The following TGFA variants were observed in gnomAD, a reference collection of about 807,000 sequenced individuals.
The protein encoded by TGFA is protransforming growth factor alpha.
TGFA carries 12 observed loss-of-function variants against 21.7 expected under a neutral mutation model. That is an observed-to-expected ratio of 0.55 (90% CI 0.35 to 0.90). The LOEUF (loss-of-function observed/expected upper bound fraction) is 0.90. Among genes scored for constraint, TGFA ranks in the 40% least tolerant of loss-of-function variants. The pLI is 0.01. For synonymous variants in TGFA, 79 were observed against 88.1 expected (o/e 0.90, Z 0.58); for missense variants, 178 against 210.8 (o/e 0.84, Z 0.96).
chr2:70,528,763 G>C (rs1417137981), intron 1 of TGFA, among the ~76,000 whole-genome samples: 1 of 152,132 alleles, frequency 6.6e-6, no homozygotes, highest in African/African-American at 2.4e-5. Flanking sequence ...TGACCAAGAG[G>C]GCAGAACCTA....
At chr2:70,517,451 G>A (rs190827830) in intron 1 of TGFA, among the ~76,000 whole-genome samples, 1 of 152,284 alleles carries the variant, frequency 6.6e-6, no homozygotes, top group Admixed American at 6.5e-5. Context: ...AGGTGGATGT[G>A]TACCACTTTT....
At chr2:70,499,976 A>G (rs1553498889) in intron 2 of TGFA, among the ~76,000 whole-genome samples, 1 of 152,268 alleles carries the variant, frequency 6.6e-6, no homozygotes, top group Non-Finnish European at 1.5e-5. Context: ...AATTGATTTG[A>G]ATAATGTATT....
At chr2:70,529,400 G>A (rs1165732533) in intron 1 of TGFA, among the ~76,000 whole-genome samples, 1 of 152,204 alleles carries the variant, frequency 6.6e-6, no homozygotes, top group African/African-American at 2.4e-5. Flanking sequence ...CAACCTTTCT[G>A]TGATGACAGT....
intron 2 of TGFA, among the ~76,000 whole-genome samples, chr2:70,493,464 T>C: frequency 6.6e-6 from 1 of 152,156 alleles, no homozygotes; most frequent in East Asian, 1.9e-4. Flanking sequence ...AGGACCACCA[T>C]GGGAGACTCT....
intron 2 of TGFA, chr2:70,467,451 G>A (rs1670603292): frequency 6.6e-6 from 1 of 152,174 alleles, no homozygotes; most frequent in Non-Finnish European, 1.5e-5. Flanking sequence ...CAATTCAGGA[G>A]CACCGTCATG....
intron 2 of TGFA, among the ~76,000 whole-genome samples, chr2:70,481,734 T>C (rs1559112172): frequency 6.6e-6 from 1 of 152,234 alleles, no homozygotes; most frequent in East Asian, 1.9e-4. Context: ...TCTCTCTCTC[T>C]TGGATTGGTC....
chr2:70,513,557 C>T (rs1672170166), intron 2 of TGFA, among the ~76,000 whole-genome samples: 1 of 152,190 alleles, frequency 6.6e-6, no homozygotes, highest in Non-Finnish European at 1.5e-5. Flanking sequence ...TCTGTGTCAT[C>T]ATGGACCACC....
intron 2 of TGFA, among the ~76,000 whole-genome samples, chr2:70,481,541 C>G (rs1351705140): frequency 2.6e-5 from 4 of 152,206 alleles, no homozygotes; most frequent in Admixed American, 6.5e-5. Flanking sequence ...GTCCTAAACT[C>G]CCCTTGACAT....
At chr2:70,493,047 T>C (rs1671480887) in intron 2 of TGFA, among the ~76,000 whole-genome samples, 1 of 152,236 alleles carries the variant, frequency 6.6e-6, no homozygotes, top group African/African-American at 2.4e-5. Context: ...TATATTTATC[T>C]TTCATATATT....
intron 2 of TGFA, among the ~76,000 whole-genome samples, chr2:70,507,737 C>T (rs1671970682): frequency 6.6e-6 from 1 of 152,218 alleles, no homozygotes; most frequent in Non-Finnish European, 1.5e-5. Context: ...TCCATATTCA[C>T]ATCCATTAGT....
intron 1 of TGFA, among the ~76,000 whole-genome samples, chr2:70,534,075 A>G (rs1672901156): frequency 6.6e-6 from 1 of 152,204 alleles, no homozygotes; most frequent in South Asian, 2.1e-4. Flanking sequence ...CAGATACTGA[A>G]GTGTCCACTA....
chr2:70,489,110 T>C (rs200143560), intron 2 of TGFA, among the ~76,000 whole-genome samples: 221 of 152,262 alleles, frequency 1.5e-3, no homozygotes, highest in African/African-American at 5.2e-3. Flanking sequence ...GCCAAGTCCT[T>C]CCCATCCCTG....
intron 1 of TGFA, 99 bp from the exon 2 acceptor site, chr2:70,515,011 G>C: frequency 8.7e-7 from 1 of 1,148,902 alleles, no homozygotes; most frequent in South Asian, 1.4e-5. Flanking sequence ...CAAAGGTTCG[G>C]TAGTTTCACA....
chr2:70,515,137 C>T (rs782418545), intron 1 of TGFA, among the ~76,000 whole-genome samples: 1 of 152,132 alleles, frequency 6.6e-6, no homozygotes, highest in Non-Finnish European at 1.5e-5. Flanking sequence ...CACTGAAATC[C>T]AGAGCCTTCC....
chr2:70,506,728 C>T (rs1553500189), intron 2 of TGFA, among the ~76,000 whole-genome samples: 1 of 152,146 alleles, frequency 6.6e-6, no homozygotes, highest in Non-Finnish European at 1.5e-5. Flanking sequence ...ATTATTATCC[C>T]CATTCTACAG....
intron 2 of TGFA, among the ~76,000 whole-genome samples, chr2:70,511,030 C>A (rs541634759): frequency 8.5e-4 from 130 of 152,268 alleles, no homozygotes; most frequent in Admixed American, 7.1e-3. Context: ...GCCCCATGCT[C>A]TTTTGAGCCC....
chr2:70,467,034 C>A (rs1223785843), intron 2 of TGFA, among the ~76,000 whole-genome samples: 2 of 151,638 alleles, frequency 1.3e-5, no homozygotes, highest in Non-Finnish European at 2.9e-5. Flanking sequence ...TCCCCCCATA[C>A]CCTTTTGGGG....
At chr2:70,465,866 C>A (rs909161810) in intron 2 of TGFA, 130 bp from the exon 3 acceptor site, 1 of 1,304,520 alleles carries the variant, frequency 7.7e-7, no homozygotes, top group Non-Finnish European at 1.0e-6. Flanking sequence ...CTGGGGCACA[C>A]CCTCCTCAGC....
At chr2:70,473,054 C>T (rs1172076400) in intron 2 of TGFA, among the ~76,000 whole-genome samples, 2 of 152,082 alleles carry the variant, frequency 1.3e-5, no homozygotes, top group Admixed American at 6.6e-5. Context: ...GGGAAGCTGG[C>T]GGGGGGTATA....
Sources: allele counts gnomAD v4.1 joint callset (sites outside exome capture counted in the v4.1 genomes callset), GRCh38; gene constraint gnomAD v4.1.1; transcripts MANE v1.5; gene names NCBI Gene and HGNC (gene_info 2026-07-23, HGNC 2026-07-21).